Variants in SORCS3 observed in about 807,000 individuals in gnomAD.
SORCS3 encodes sortilin related VPS10 domain containing receptor 3.
SORCS3 carries 57 observed loss-of-function variants against 146.3 expected under a neutral mutation model. The ratio of observed to expected loss-of-function variants is 0.39; its 90% CI spans 0.31 to 0.49. The LOEUF (loss-of-function observed/expected upper bound fraction) is 0.49, where lower values mean the gene tolerates loss of function less well. Ranked by LOEUF, SORCS3 falls within the 20% of genes least tolerant of loss-of-function variation. The pLI is 0.92. For missense variants in SORCS3, 1,341 were observed against 1,575.5 expected (o/e 0.85, Z 2.52); for synonymous variants, 653 against 618.5 (o/e 1.06, Z -0.83).
chr10:104,704,167 G>A (rs1409631426), intron 1 of SORCS3, among the ~76,000 whole-genome samples: 1 of 98,050 alleles, frequency 1.0e-5, no homozygotes, highest in Non-Finnish European at 1.9e-5. Flanking sequence ...TTCCTTCTAT[G>A]ACTTTTTTTT....
At chr10:105,249,548 C>CA (rs2056886957) in intron 22 of SORCS3, among the ~76,000 whole-genome samples, 1 of 152,102 alleles carries the variant, frequency 6.6e-6, no homozygotes, top group Non-Finnish European at 1.5e-5. Flanking sequence ...AGAGTAACTA[C>CA]ACTTCAAATC....
chr10:104,681,370 G>A (rs899718414), intron 1 of SORCS3, among the ~76,000 whole-genome samples: 5 of 152,024 alleles, frequency 3.3e-5, no homozygotes, highest in Non-Finnish European at 7.4e-5. Context: ...GCTGCTGAGC[G>A]AACCCAGGCC....
chr10:104,861,524 C>T (rs749661782), intron 2 of SORCS3, among the ~76,000 whole-genome samples: 10 of 152,186 alleles, frequency 6.6e-5, no homozygotes, highest in Non-Finnish European at 1.3e-4. Context: ...CCTAATCCCT[C>T]AGGACTCCAG....
rs748808064 is a variant in SORCS3 at position 105,116,367 on chromosome 10, C to A, written c.1212+10852C>A. Among the ~76,000 whole-genome samples the A allele has an allele frequency of 2.0e-5, 3 of 152,150 alleles. No individual in the cohort carries two copies. In the East Asian group the frequency reaches 5.8e-4, roughly 29 times the overall value. Reference sequence around the variant, plus strand: ...TACCTATTCTGGTGCAGATACAAGTCTTGAAGGTGCCAAAAATCTGGGACA... The same window carrying A: ...TACCTATTCTGGTGCAGATACAAGTATTGAAGGTGCCAAAAATCTGGGACA... On this transcript the variant is annotated intron_variant, in intron 7 of 26. Coordinates refer to ENST00000369701, the MANE Select transcript of SORCS3 (RefSeq NM_014978.3).
At chr10:105,262,036 G>C (rs183386392) in intron 25 of SORCS3, among the ~76,000 whole-genome samples, 1 of 152,228 alleles carries the variant, frequency 6.6e-6, no homozygotes, top group East Asian at 1.9e-4. Flanking sequence ...AATATTTATA[G>C]GGTTTTATTA....
chr10:104,998,791 G>A lies in SORCS3; in HGVS notation c.954+21298G>A, dbSNP rs539867935. 1.6e-4 allele frequency among the ~76,000 whole-genome samples: 25 copies of A among 152,170 alleles called. No homozygotes were observed. In the South Asian group the frequency reaches 2.3e-3, roughly 14 times the overall value. On this transcript the variant is annotated intron_variant, in intron 4 of 26. Coordinates refer to ENST00000369701, the MANE Select transcript of SORCS3 (RefSeq NM_014978.3). ...GACAGTTTCCCAGTGGAGAATCATCGGCCCTTGAGTAATATGAAGTGTGGA... is the reference window on the plus strand; with the variant it reads ...GACAGTTTCCCAGTGGAGAATCATCAGCCCTTGAGTAATATGAAGTGTGGA...
At chr10:105,116,804 C>T (rs1172194684) in intron 7 of SORCS3, among the ~76,000 whole-genome samples, 1 of 152,096 alleles carries the variant, frequency 6.6e-6, no homozygotes, top group East Asian at 1.9e-4. Context: ...ATATACCTCA[C>T]GTTCTCACTT....
At chr10:105,042,928 T>C in intron 4 of SORCS3, 127 bp from the exon 5 acceptor site, 3 of 741,508 alleles carry the variant, frequency 4.0e-6, no homozygotes, top group Non-Finnish European at 7.1e-6. Flanking sequence ...CCTTTTTATC[T>C]GGATAAAATA....
At chr10:104,929,747 C>T (rs2019188450) in intron 3 of SORCS3, among the ~76,000 whole-genome samples, 1 of 152,228 alleles carries the variant, frequency 6.6e-6, no homozygotes, top group Non-Finnish European at 1.5e-5. Context: ...CTAAGGACTC[C>T]AACAGCAAGC....
intron 5 of SORCS3, among the ~76,000 whole-genome samples, chr10:105,045,265 T>C (rs968040609): frequency 3.9e-5 from 6 of 152,122 alleles, no homozygotes; most frequent in African/African-American, 1.4e-4. Context: ...GCTTCTGTCA[T>C]CCACCCTCTT....
chr10:104,769,603 A>G (rs150753832), intron 1 of SORCS3, among the ~76,000 whole-genome samples: 3 of 152,158 alleles, frequency 2.0e-5, no homozygotes, highest in South Asian at 4.2e-4. Flanking sequence ...GGAGGGGGGA[A>G]TTTTCAAGAC....
intron 4 of SORCS3, among the ~76,000 whole-genome samples, chr10:105,028,169 T>A (rs2055243230): frequency 6.6e-6 from 1 of 152,172 alleles, no homozygotes; most frequent in Admixed American, 6.5e-5. Flanking sequence ...TATTGCCCAT[T>A]TCTCTCATTA....
rs375742143 is a variant in SORCS3, at chr10:105,263,335, C to T, written c.3630C>T (p.Ser1210=). The T allele has an allele frequency of 2.5e-4, 397 of 1,614,024 alleles. 3 individuals are homozygous for T. In the South Asian group the frequency reaches 3.4e-3, roughly 14 times the overall value. ...GAGGCATTGCCACTATTGCAAACAGCGAAAGCACAAAGGAGATCCCCAACT... is the reference window on the plus strand; with the variant it reads ...GAGGCATTGCCACTATTGCAAACAGTGAAAGCACAAAGGAGATCCCCAACT... ...VIGGIATIAN[S]ESTKEIPNCT... is the part of the protein sequence containing the mutation. The change falls in exon 27 of 27, where the codon AGC becomes AGT. Residue 1210 remains serine (S), a synonymous_variant. Transcript: ENST00000369701.
intron 3 of SORCS3, among the ~76,000 whole-genome samples, chr10:104,962,619 T>C (rs1460204154): frequency 6.6e-6 from 1 of 152,182 alleles, no homozygotes; most frequent in Non-Finnish European, 1.5e-5. Context: ...GTGCTCACCA[T>C]GTGGATAGAA....
intron 3 of SORCS3, among the ~76,000 whole-genome samples, chr10:104,952,255 GAA>G (rs55880149): frequency 0.021 from 838 of 40,530 alleles, 10 homozygotes; most frequent in African/African-American, 0.052. Flanking sequence ...ATGAATGTTT[GAA>G]AAAAAAAAAA....
At chr10:105,209,774 G>A (rs905063690) in intron 16 of SORCS3, among the ~76,000 whole-genome samples, 4 of 152,178 alleles carry the variant, frequency 2.6e-5, no homozygotes, top group African/African-American at 9.6e-5. Context: ...CTGGCTAGAA[G>A]TGTTCAGTTA....
At chr10:105,137,623 A>G (rs1176320764) in intron 7 of SORCS3, among the ~76,000 whole-genome samples, 3 of 152,174 alleles carry the variant, frequency 2.0e-5, no homozygotes, top group African/African-American at 4.8e-5. Context: ...TTAAAAGTCT[A>G]GTTATGAGGT....
chr10:104,727,603 T>C (rs2016653043), intron 1 of SORCS3, among the ~76,000 whole-genome samples: 2 of 151,934 alleles, frequency 1.3e-5, no homozygotes, highest in South Asian at 2.1e-4. Context: ...CATATACTTA[T>C]ATATATACAT....
At chr10:105,056,281 C>T (rs1387317539) in intron 5 of SORCS3, among the ~76,000 whole-genome samples, 1 of 152,178 alleles carries the variant, frequency 6.6e-6, no homozygotes, top group Non-Finnish European at 1.5e-5. Flanking sequence ...CATTTGCATT[C>T]TAAGATGTTG....
Sources: gnomAD v4.1 joint callset for allele counts (sites outside exome capture counted in the v4.1 genomes callset) on GRCh38, gnomAD v4.1.1 for gene constraint, MANE v1.5 for transcripts, NCBI Gene and HGNC (gene_info 2026-07-23, HGNC 2026-07-21) for gene names.